The following ARID1B variants were observed in gnomAD, a reference collection of about 807,000 sequenced individuals.
The protein encoded by ARID1B is AT-rich interaction domain 1B.
ARID1B carries 30 observed loss-of-function variants against 212.3 expected under a neutral mutation model. The ratio of observed to expected loss-of-function variants is 0.14; its 90% CI spans 0.11 to 0.19. ARID1B has a LOEUF of 0.19. Ranked by LOEUF, ARID1B falls within the 10% of genes least tolerant of loss-of-function variation. The probability of loss-of-function intolerance (pLI) is 1.00; values close to 1 mark genes in which losing one functional copy is unlikely to be tolerated. For synonymous variants in ARID1B, 1,402 were observed against 1,301.7 expected (o/e 1.08, Z -1.66); for missense variants, 2,891 against 3,204.0 (o/e 0.90, Z 2.36).
At position 157,147,894 on chromosome 6, in the gene ARID1B, C is replaced by T. The variant is rs1789909063; in HGVS notation, c.2762-730C>T. 2.9e-5 allele frequency among the ~76,000 whole-genome samples: 3 copies of T among 103,746 alleles called. No individual in the cohort carries two copies. In the Admixed American group the frequency reaches 3.0e-4, roughly 10 times the overall value. The allele number at this position is 103,746 out of a possible 152,430, so 68.1% of individuals were successfully genotyped here. On this transcript the variant is annotated intron_variant, in intron 7 of 19. Transcript: ENST00000636930. ...CTCCGACCCTGCCCTCCGTCCCTCA[C>T]CTCCGCCTCCGACCCTGCCCGCCCG...
chr6:156,902,568 T>C (rs1218107897), intron 3 of ARID1B, among the ~76,000 whole-genome samples: 3 of 152,070 alleles, frequency 2.0e-5, no homozygotes, highest in Non-Finnish European at 4.4e-5. Flanking sequence ...AAAGAGAGTT[T>C]ATGATTTGAA....
chr6:156,929,055 C>A (rs284430), intron 3 of ARID1B, among the ~76,000 whole-genome samples: 66,405 of 151,984 alleles, frequency 0.44, 15,933 homozygotes, highest in African/African-American at 0.64. Flanking sequence ...TTACTCCAGC[C>A]TAGTGCTCAT....
At position 157,088,449 on chromosome 6, in the gene ARID1B, A is replaced by G. The variant is rs928998466; in HGVS notation, c.2491+3544A>G. On this transcript the variant is annotated intron_variant, in intron 5 of 19. Coordinates refer to ENST00000636930, the MANE Select transcript of ARID1B (RefSeq NM_001374828.1). ...AGCTCATGACAGGTTTTTGTTGGGG[A>G]AAAAAAATGATTGTCTTCTATTTCC... Among the ~76,000 whole-genome samples, 8 of 151,866 alleles carry G rather than the reference A, an allele frequency of 5.3e-5. No homozygotes were observed. The East Asian group carries it at 7.7e-4, about 15-fold the overall frequency.
At chr6:156,812,827 C>T (rs1335904480) in intron 1 of ARID1B, among the ~76,000 whole-genome samples, 1 of 148,196 alleles carries the variant, frequency 6.7e-6, no homozygotes, top group Non-Finnish European at 1.5e-5. Flanking sequence ...TACAGATCCT[C>T]AACAGTTGAG....
At position 157,020,617 on chromosome 6, in the gene ARID1B, C is replaced by CTG. The variant is rs1486642938; in HGVS notation, c.2248-64044_2248-64043insGT. Among the ~76,000 whole-genome samples, 173 of 152,282 alleles carry CTG rather than the reference C, an allele frequency of 1.1e-3. 1 individual carries two copies. Among genetic ancestry groups the CTG allele is most frequent in the African/African-American group, 4.0e-3 (167 of 41,560 alleles). On this transcript the variant is annotated intron_variant, in intron 4 of 19. Transcript: ENST00000636930. ...TGGCATCACATAAACAACAGCCTAG[C>CTG]TTGGTCATTTCTCCTACTCAGATCG...
intron 1 of ARID1B, among the ~76,000 whole-genome samples, chr6:156,792,294 GC>G (rs372787152): frequency 3.8e-4 from 57 of 151,974 alleles, no homozygotes; most frequent in African/African-American, 1.3e-3. Flanking sequence ...GTCCTATGCA[GC>G]CCCCCCTTTT....
chr6:157,152,715 T>C (rs1790293262), intron 8 of ARID1B, among the ~76,000 whole-genome samples: 1 of 152,254 alleles, frequency 6.6e-6, no homozygotes, highest in African/African-American at 2.4e-5. Context: ...TTGCTTTACT[T>C]ATTTAACAGC....
intron 1 of ARID1B, among the ~76,000 whole-genome samples, chr6:156,812,975 T>TATGTATGTATACACATAC (rs1159448637): frequency 1.9e-5 from 2 of 103,584 alleles, no homozygotes; most frequent in Admixed American, 1.0e-4. Flanking sequence ...TGTGTGTGTG[T>TATGTATGTATACACATAC]GTATGTATAT....
intron 4 of ARID1B, among the ~76,000 whole-genome samples, chr6:156,946,203 G>GA (rs58722867): frequency 0.073 from 9,393 of 127,938 alleles, 660 homozygotes; most frequent in African/African-American, 0.19. Flanking sequence ...CTAAAAATAC[G>GA]AAAAAAAAAA....
chr6:156,910,317 C>T (rs956253727), intron 3 of ARID1B, among the ~76,000 whole-genome samples: 2 of 152,160 alleles, frequency 1.3e-5, no homozygotes, highest in African/African-American at 4.8e-5. Context: ...CCACTTATTC[C>T]TGCTACCTCT....
chr6:156,814,369 A>G (rs1236718969), intron 1 of ARID1B, among the ~76,000 whole-genome samples: 5 of 152,188 alleles, frequency 3.3e-5, no homozygotes, highest in African/African-American at 1.2e-4. Context: ...CCACCGCACT[A>G]CAGTCTGGGT....
chr6:156,829,180 G>T (rs749345746), intron 1 of ARID1B, 47 bp from the exon 2 acceptor site: 39 of 1,513,714 alleles, frequency 2.6e-5, no homozygotes, highest in Non-Finnish European at 3.1e-5. Context: ...TTGTGCCTTT[G>T]TAATAAAGAA....
intron 2 of ARID1B, among the ~76,000 whole-genome samples, chr6:156,866,218 C>T (rs886515641): frequency 1.3e-5 from 2 of 152,312 alleles, no homozygotes; most frequent in East Asian, 3.9e-4. Context: ...TGTGGTACTT[C>T]TGCAGCAGTG....
intron 13 of ARID1B, chr6:157,186,204 G>C: frequency 3.0e-6 from 1 of 330,876 alleles, no homozygotes; most frequent in Non-Finnish European, 6.0e-6. Flanking sequence ...GAGGCGTATA[G>C]ATCCTTCAGA....
chr6:156,852,346 G>A (rs1178796415), intron 2 of ARID1B, among the ~76,000 whole-genome samples: 3 of 152,014 alleles, frequency 2.0e-5, no homozygotes, highest in African/African-American at 7.3e-5. Flanking sequence ...AGCTTGAGCG[G>A]TTGAAGTGGG....
At chr6:156,975,613 C>CTTTTTTTTTTTTTTTTTTTTTTT in intron 4 of ARID1B, among the ~76,000 whole-genome samples, 1 of 110,854 alleles carries the variant, frequency 9.0e-6, no homozygotes, top group Non-Finnish European at 1.8e-5. Context: ...TTTTTTTTTT[C>CTTTTTTTTTTTTTTTTTTTTTTT]TTTTTTTTTT....
intron 6 of ARID1B, among the ~76,000 whole-genome samples, chr6:157,128,241 T>TCC (rs368396021): frequency 9.8e-5 from 15 of 152,366 alleles, no homozygotes; most frequent in African/African-American, 3.6e-4. Context: ...CATAATGGAT[T>TCC]ACTTTTTTAG....
At chr6:156,838,604 T>C (rs1583136796) in intron 2 of ARID1B, among the ~76,000 whole-genome samples, 1 of 151,968 alleles carries the variant, frequency 6.6e-6, no homozygotes, top group African/African-American at 2.4e-5. Flanking sequence ...TTAGGAGAAA[T>C]ACCTAATGTA....
At chr6:156,927,642 C>G (rs1254721284) in intron 3 of ARID1B, among the ~76,000 whole-genome samples, 1 of 152,202 alleles carries the variant, frequency 6.6e-6, no homozygotes, top group Non-Finnish European at 1.5e-5. Context: ...AAAATGTGTT[C>G]TGTAGCACAT....
Sources: gnomAD v4.1 joint callset for allele counts (sites outside exome capture counted in the v4.1 genomes callset) on GRCh38, gnomAD v4.1.1 for gene constraint, MANE v1.5 for transcripts, NCBI Gene and HGNC (gene_info 2026-07-23, HGNC 2026-07-21) for gene names.